Variants in CSMD1 observed in about 807,000 individuals in gnomAD.
CSMD1 encodes CUB and Sushi multiple domains 1.
CSMD1 carries 213 observed loss-of-function variants against 417.5 expected under a neutral mutation model. The ratio of observed to expected loss-of-function variants is 0.51; its 90% CI spans 0.46 to 0.57. The LOEUF (loss-of-function observed/expected upper bound fraction) is 0.57. Among genes scored for constraint, CSMD1 ranks in the 20% least tolerant of loss-of-function variants. CSMD1 has a pLI of 0.00. For synonymous variants in CSMD1, 2,862 were observed against 1,736.8 expected (o/e 1.65, Z -16.11); for missense variants, 6,923 against 4,529.7 (o/e 1.53, Z -15.17).
At chr8:4,939,378 C>T (rs1279242120) in intron 1 of CSMD1, among the ~76,000 whole-genome samples, 2 of 152,128 alleles carry the variant, frequency 1.3e-5, no homozygotes, top group Non-Finnish European at 2.9e-5. Flanking sequence ...TCATTAATAG[C>T]CAAGCTATGG....
At chr8:3,191,313 G>A (rs1011434776) in intron 33 of CSMD1, among the ~76,000 whole-genome samples, 4 of 152,030 alleles carry the variant, frequency 2.6e-5, no homozygotes, top group Non-Finnish European at 5.9e-5. Flanking sequence ...AAAATTAGCC[G>A]GGCATGGTGG....
chr8:3,693,825 GTGTGTGTGT>G (rs981669218), intron 7 of CSMD1, among the ~76,000 whole-genome samples: 79 of 151,186 alleles, frequency 5.2e-4, no homozygotes, highest in African/African-American at 1.8e-3. Flanking sequence ...GTTTGTTATG[GTGTGTGTGT>G]TGTGTGTGTT....
chr8:4,314,913 A>G (rs1451337266), intron 3 of CSMD1, among the ~76,000 whole-genome samples: 3 of 152,204 alleles, frequency 2.0e-5, no homozygotes. Flanking sequence ...TCCTAAAAAC[A>G]CAGAGATTAT....
chr8:4,457,161 G>C (rs1799539482), intron 2 of CSMD1, among the ~76,000 whole-genome samples: 1 of 152,006 alleles, frequency 6.6e-6, no homozygotes, highest in African/African-American at 2.4e-5. Flanking sequence ...CATGATTTGG[G>C]TTTTACGGAC....
In CSMD1 at chr8:4,515,984, C is replaced by G. The variant is rs534340537; in HGVS notation, c.303-95919G>C. On this transcript the variant is annotated intron_variant, in intron 2 of 69. Coordinates refer to ENST00000635120, the MANE Select transcript of CSMD1 (RefSeq NM_033225.6). Reference sequence around the variant, plus strand: ...GCAAAACTTCACCTGACAGCTGTTACCCATTGATAAGATAAGACTTTGGAG... The same window carrying G: ...GCAAAACTTCACCTGACAGCTGTTAGCCATTGATAAGATAAGACTTTGGAG... 1.1e-3 allele frequency among the ~76,000 whole-genome samples: 167 copies of G among 152,240 alleles called. 1 individual carries two copies. Among genetic ancestry groups the G allele is most frequent in the African/African-American group, 3.9e-3 (162 of 41,548 alleles).
chr8:4,961,009 T>G (rs1232650884), intron 1 of CSMD1, among the ~76,000 whole-genome samples: 1 of 152,136 alleles, frequency 6.6e-6, no homozygotes, highest in African/African-American at 2.4e-5. Context: ...GATGAGCATT[T>G]TACTCTCTTA....
chr8:3,441,789 T>C (rs10093282), intron 12 of CSMD1, among the ~76,000 whole-genome samples: 15,135 of 152,044 alleles, frequency 0.1, 891 homozygotes, highest in African/African-American at 0.16. Flanking sequence ...TTGCTTTATA[T>C]ATTTACTATG....
intron 10 of CSMD1, among the ~76,000 whole-genome samples, chr8:3,529,342 T>C (rs1157931704): frequency 6.6e-6 from 1 of 152,164 alleles, no homozygotes; most frequent in East Asian, 1.9e-4. Flanking sequence ...CACACTTAAG[T>C]GTACTAAATC....
intron 2 of CSMD1, among the ~76,000 whole-genome samples, chr8:4,483,750 C>T (rs1323071064): frequency 1.3e-5 from 2 of 152,022 alleles, no homozygotes; most frequent in Non-Finnish European, 2.9e-5. Context: ...TAATCCTGAA[C>T]AAAATAAATA....
intron 3 of CSMD1, among the ~76,000 whole-genome samples, chr8:4,415,314 G>A (rs896899052): frequency 1.3e-5 from 2 of 152,136 alleles, no homozygotes; most frequent in East Asian, 3.9e-4. Context: ...ACAGGCATCT[G>A]TTTTTCTCTA....
chr8:4,462,431 G>A (rs937217066), intron 2 of CSMD1, among the ~76,000 whole-genome samples: 2 of 152,028 alleles, frequency 1.3e-5, no homozygotes, highest in African/African-American at 4.8e-5. Flanking sequence ...AAATTGATTA[G>A]CAAATTTAAC....
chr8:3,875,782 T>C (rs553849275), intron 5 of CSMD1, among the ~76,000 whole-genome samples: 1 of 152,238 alleles, frequency 6.6e-6, no homozygotes, highest in East Asian at 1.9e-4. Flanking sequence ...CTCAAAGCTT[T>C]GTGGTAAAGG....
At chr8:4,757,923 G>A (rs971783560) in intron 1 of CSMD1, among the ~76,000 whole-genome samples, 15 of 137,986 alleles carry the variant, frequency 1.1e-4, no homozygotes, top group East Asian at 8.8e-4. Context: ...TGTGCCACCT[G>A]CACTCCATCC....
intron 26 of CSMD1, among the ~76,000 whole-genome samples, chr8:3,271,823 G>C (rs1347491915): frequency 6.6e-6 from 1 of 152,052 alleles, no homozygotes; most frequent in East Asian, 1.9e-4. Context: ...ATAGATTGTG[G>C]ATATTAGCCC....
chr8:3,863,274 G>T (rs1804843019), intron 5 of CSMD1, among the ~76,000 whole-genome samples: 1 of 151,886 alleles, frequency 6.6e-6, no homozygotes, highest in Non-Finnish European at 1.5e-5. Flanking sequence ...GCAGGCACCT[G>T]TAATCTCAGC....
intron 23 of CSMD1, among the ~76,000 whole-genome samples, chr8:3,311,795 G>T (rs957723013): frequency 2.0e-5 from 3 of 151,248 alleles, no homozygotes; most frequent in African/African-American, 7.3e-5. Context: ...AATCATAAGA[G>T]ATTTTCTTCA....
At chr8:3,925,685 TTGCCACCACCACGTAAGAAG>T (rs1424150770) in intron 5 of CSMD1, among the ~76,000 whole-genome samples, 2 of 151,980 alleles carry the variant, frequency 1.3e-5, no homozygotes, top group African/African-American at 4.8e-5. Flanking sequence ...CATTTTTCTC[TTGCCACCACCACGTAAGAAG>T]TGCCTGTTAC....
intron 18 of CSMD1, among the ~76,000 whole-genome samples, chr8:3,375,420 T>A (rs994142863): frequency 6.6e-6 from 1 of 152,116 alleles, no homozygotes; most frequent in Non-Finnish European, 1.5e-5. Context: ...CATTTTCTTG[T>A]TCTCCTGAAA....
At chr8:3,394,956 T>C (rs770510619) in intron 17 of CSMD1, among the ~76,000 whole-genome samples, 14 of 152,172 alleles carry the variant, frequency 9.2e-5, no homozygotes, top group Non-Finnish European at 1.6e-4. Context: ...AATCTTAAGA[T>C]ATACATGCAT....
Sources: allele counts gnomAD v4.1 joint callset (sites outside exome capture counted in the v4.1 genomes callset), GRCh38; gene constraint gnomAD v4.1.1; transcripts MANE v1.5; gene names NCBI Gene and HGNC (gene_info 2026-07-23, HGNC 2026-07-21).